The following C15orf61 variants were observed in gnomAD, a reference collection of about 807,000 sequenced individuals.
C15orf61 encodes the protein chromosome 15 open reading frame 61, also known as uncharacterized protein C15orf61.
A neutral mutation model predicts 13.7 loss-of-function variants in C15orf61; 12 were observed. That is an observed-to-expected ratio of 0.88 (90% CI 0.56 to 1.42). The LOEUF (loss-of-function observed/expected upper bound fraction) is 1.42. Ranked by LOEUF, C15orf61 falls within the 40% of genes most tolerant of loss-of-function variation. C15orf61 has a pLI of 0.00. For synonymous variants in C15orf61, 92 were observed against 94.1 expected (o/e 0.98, Z 0.13); for missense variants, 248 against 213.2 (o/e 1.16, Z -1.02).
rs574234942 is a variant in C15orf61 at position 67,527,812 on chromosome 15, A to G, written c.*1267A>G. ...CTACAGAGTGAACTGTTCTTCAAATATATGTGGTGTTCACTTGTCTAAAAG... is the reference window on the plus strand; with the variant it reads ...CTACAGAGTGAACTGTTCTTCAAATGTATGTGGTGTTCACTTGTCTAAAAG... On this transcript the variant is annotated 3_prime_UTR_variant, in exon 2 of 2. Transcript: ENST00000342683. 43 of 152,336 alleles carry G rather than the reference A, an allele frequency of 2.8e-4. No individual in the cohort carries two copies. Among genetic ancestry groups the G allele is most frequent in the Non-Finnish European group, 4.4e-4 (30 of 68,018 alleles). 9.4% of individuals were successfully genotyped at this position (152,336 alleles called of 1,614,324 possible).
In C15orf61 at chr15:67,526,490, A is replaced by G; in HGVS notation, c.419A>G (p.Tyr140Cys). The G allele has an allele frequency of 6.5e-7, 1 of 1,542,950 alleles. No homozygotes were observed. Among genetic ancestry groups the G allele is most frequent in the Non-Finnish European group, 8.8e-7 (1 of 1,140,102 alleles). The stretch of plus-strand genomic sequence containing the variant: ...GTCACAGAGACTGTGCATACCAGTT[A>G]TGGACCCATAACAGTTTATTTTCTC... Reference protein sequence around the residue: ...ARVTETVHTSYGPITVYFLNK... With the variant: ...ARVTETVHTSCGPITVYFLNK... The change falls in exon 2 of 2, where the codon TAT becomes TGT. Residue 140 changes from tyrosine to cysteine, a missense_variant. Transcript: ENST00000342683.
chr15:67,521,312 T>G lies in C15orf61; in HGVS notation c.64T>G (p.Ser22Ala). Residue 22 changes from serine to alanine, a missense_variant, in exon 1 of 2, where the codon TCG (serine) becomes GCG (alanine). Transcript: ENST00000342683. The stretch of plus-strand genomic sequence containing the variant: ...CCTGCTGCTGTGTAGGCCGTGGGCC[T>G]CGCGCGCCGCCGCCCGCCCCAAGCC... ...LRLLLCRPWA[S>A]RAAARPKPSA... The G allele has an allele frequency of 6.6e-7, 1 of 1,525,094 alleles. No homozygotes were observed. Among genetic ancestry groups the G allele is most frequent in the African/African-American group, 1.4e-5 (1 of 72,390 alleles). The allele number at this position is 1,525,094 out of a possible 1,614,324, so 94.5% of individuals were successfully genotyped here.
At chr15:67,521,690 A>T in intron 1 of C15orf61, 96 bp downstream of exon 1, 1 of 1,235,960 alleles carries the variant, frequency 8.1e-7, no homozygotes, top group Admixed American at 2.7e-5. Context: ...AGGCCGGTAG[A>T]GTCCCGCGGG....
In C15orf61 at chr15:67,527,468, A is replaced by G. The variant is rs1442866983; in HGVS notation, c.*923A>G. On this transcript the variant is annotated 3_prime_UTR_variant, in exon 2 of 2. Coordinates refer to ENST00000342683, the MANE Select transcript of C15orf61 (RefSeq NM_001143936.2). ...TCCTTGGGGTAGTCACAAAATACCC[A>G]GATGAATGGTAAATTTCAGACATTT... The G allele has an allele frequency of 1.3e-5, 2 of 152,210 alleles. No individual in the cohort carries two copies. The allele number at this position is 152,210 out of a possible 1,614,324, so 9.4% of individuals were successfully genotyped here. A position where few individuals can be genotyped will look rare whatever the true frequency, so the allele number is the denominator to read the frequency against.
rs1207051184 is a variant in C15orf61, at chr15:67,529,516, C to T, written c.*2971C>T. On this transcript the variant is annotated 3_prime_UTR_variant, in exon 2 of 2. Coordinates refer to ENST00000342683, the MANE Select transcript of C15orf61 (RefSeq NM_001143936.2). The surrounding 1 kb of genome is among the most constrained non-coding windows in gnomAD (Gnocchi z 4.4). ...CTTGGCTCACTGCAACCTCCACCTC[C>T]CAGGTCCAAGCGATTCTCCTGTCTC... 1 of 152,418 alleles carries T rather than the reference C, an allele frequency of 6.6e-6. No individual in the cohort carries two copies. Among genetic ancestry groups the T allele is most frequent in the Non-Finnish European group, 1.5e-5 (1 of 68,202 alleles). 9.4% of individuals were successfully genotyped at this position (152,418 alleles called of 1,614,324 possible).
chr15:67,521,955 C>G (rs2084168481), intron 1 of C15orf61: 1 of 690,932 alleles, frequency 1.4e-6, no homozygotes, highest in Non-Finnish European at 2.6e-6. Flanking sequence ...ATCCGTCCTA[C>G]TGCATGGCAG....
intron 1 of C15orf61, among the ~76,000 whole-genome samples, chr15:67,522,461 T>G (rs2084172804): frequency 6.6e-6 from 1 of 152,222 alleles, no homozygotes; most frequent in Non-Finnish European, 1.5e-5. Flanking sequence ...TATTACATAA[T>G]CTGATCGTCC....
At chr15:67,524,238 T>C (rs976066101) in intron 1 of C15orf61, among the ~76,000 whole-genome samples, 3 of 152,194 alleles carry the variant, frequency 2.0e-5, no homozygotes, top group Middle Eastern at 3.2e-3. Flanking sequence ...CTATTTTTTT[T>C]CTTCCTCACT....
At chr15:67,524,568 A>T (rs998013105) in intron 1 of C15orf61, among the ~76,000 whole-genome samples, 1 of 152,096 alleles carries the variant, frequency 6.6e-6, no homozygotes, top group African/African-American at 2.4e-5. Context: ...GATGGTGACA[A>T]ACTGTGACCC....
chr15:67,524,844 T>TG (rs1488659104), intron 1 of C15orf61, among the ~76,000 whole-genome samples: 1 of 148,754 alleles, frequency 6.7e-6, no homozygotes. Flanking sequence ...TTTGTTTTTT[T>TG]TTTTTTTTTT....
Position 67,527,577 on chromosome 15 carries a change from C to T in C15orf61, c.*1032C>T, listed in dbSNP as rs2084205816. ...AGATTTATGATCTCTCCCATAATTA[C>T]AAACATACATTATATATCATTTTAT... On this transcript the variant is annotated 3_prime_UTR_variant, in exon 2 of 2. Transcript: ENST00000342683. 1 of 152,158 alleles carries T rather than the reference C, an allele frequency of 6.6e-6. No homozygotes were observed. Among genetic ancestry groups the T allele is most frequent in the Non-Finnish European group, 1.5e-5 (1 of 67,998 alleles). 9.4% of individuals were successfully genotyped at this position (152,158 alleles called of 1,614,324 possible). A position where few individuals can be genotyped will look rare whatever the true frequency, so the allele number is the denominator to read the frequency against.
chr15:67,525,076 TC>T lies in C15orf61; in HGVS notation c.347-1340del, dbSNP rs1482388756. Among the ~76,000 whole-genome samples the T allele has an allele frequency of 2.0e-5, 3 of 152,336 alleles. No individual in the cohort carries two copies. In the South Asian group the frequency reaches 6.2e-4, roughly 32 times the overall value. On this transcript the variant is annotated intron_variant, in intron 1 of 1. Coordinates refer to ENST00000342683, the MANE Select transcript of C15orf61 (RefSeq NM_001143936.2). The surrounding 1 kb of genome is among the most constrained non-coding windows in gnomAD (Gnocchi z 4.9). Reference sequence around the variant, plus strand: ...GTCTCGAACTCCCAACCTCAGGTGATCCGCCTGCTTCGGCCTCCCAAAGTGC... The same window carrying T: ...GTCTCGAACTCCCAACCTCAGGTGATCGCCTGCTTCGGCCTCCCAAAGTGC...
At chr15:67,522,533 T>G (rs977108685) in intron 1 of C15orf61, among the ~76,000 whole-genome samples, 4 of 152,254 alleles carry the variant, frequency 2.6e-5, no homozygotes, top group African/African-American at 4.8e-5. Flanking sequence ...AGTCGTGGGC[T>G]TTTTGAGCCG....
intron 1 of C15orf61, chr15:67,522,190 G>A (rs747597086): frequency 4.3e-6 from 3 of 702,042 alleles, no homozygotes; most frequent in Non-Finnish European, 5.2e-6. Flanking sequence ...CCCTGAGGAT[G>A]TTTACTGTCA....
At chr15:67,521,685 G>A (rs972770374) in intron 1 of C15orf61, 91 bp downstream of exon 1, 3 of 1,253,878 alleles carry the variant, frequency 2.4e-6, no homozygotes, top group Admixed American at 2.7e-5. Flanking sequence ...CTCGCAGGCC[G>A]GTAGAGTCCC....
At position 67,526,727 on chromosome 15, in the gene C15orf61, T is replaced by C. The variant is rs2084200968; in HGVS notation, c.*182T>C. On this transcript the variant is annotated 3_prime_UTR_variant, in exon 2 of 2. Coordinates refer to ENST00000342683, the MANE Select transcript of C15orf61 (RefSeq NM_001143936.2). ...TTTTTATACATCGTTATATATTACA[T>C]ACTCTGTTTAGCTGATGTGAACTAC... The C allele has an allele frequency of 4.1e-6, 2 of 489,278 alleles. No individual in the cohort carries two copies. The highest frequency in any genetic ancestry group is 6.7e-6 in the Non-Finnish European group (2 of 297,070). The allele number at this position is 489,278 out of a possible 1,614,324, so 30.3% of individuals were successfully genotyped here.
intron 1 of C15orf61, among the ~76,000 whole-genome samples, chr15:67,524,035 T>C (rs938634326): frequency 8.7e-5 from 13 of 149,284 alleles, no homozygotes; most frequent in Non-Finnish European, 1.5e-4. Context: ...TTTATTTCTG[T>C]ATTTGTGATT....
In C15orf61 at chr15:67,526,588, T is replaced by C. The variant is rs2140928690; in HGVS notation, c.*43T>C. ...CATAAATATCAGTGGATTTTCTCTG[T>C]GTATATGTGCAGTATTTATTTTTGA... is the stretch of plus-strand genomic sequence containing the variant. On this transcript the variant is annotated 3_prime_UTR_variant, in exon 2 of 2. Transcript: ENST00000342683. 2 of 1,455,018 alleles carry C rather than the reference T, an allele frequency of 1.4e-6. No homozygotes were observed. The highest frequency in any genetic ancestry group is 1.8e-6 in the Non-Finnish European group (2 of 1,091,822). 90.1% of individuals were successfully genotyped at this position (1,455,018 alleles called of 1,614,324 possible).
At chr15:67,524,115 T>C (rs2084185352) in intron 1 of C15orf61, among the ~76,000 whole-genome samples, 1 of 152,342 alleles carries the variant, frequency 6.6e-6, no homozygotes, top group South Asian at 2.1e-4. Context: ...AAAAGAAAAT[T>C]GTCAGTGTCA....
Sources: allele counts gnomAD v4.1 joint callset (sites outside exome capture counted in the v4.1 genomes callset), GRCh38; gene constraint gnomAD v4.1.1; non-coding constraint Gnocchi (gnomAD v3.1); transcripts MANE v1.5; gene names NCBI Gene and HGNC (gene_info 2026-07-23, HGNC 2026-07-21).